PPM1E: variants seen among roughly 807,000 people sequenced by gnomAD.
PPM1E encodes the protein protein phosphatase, Mg2+/Mn2+ dependent 1E.
A neutral mutation model predicts 65.9 loss-of-function variants in PPM1E; 20 were observed. The ratio of observed to expected loss-of-function variants is 0.30; its 90% CI spans 0.21 to 0.44. The LOEUF (loss-of-function observed/expected upper bound fraction) is 0.44. PPM1E is among the 20% of genes least tolerant of loss of function. PPM1E has a pLI of 1.00. For missense variants in PPM1E, 713 were observed against 953.1 expected (o/e 0.75, Z 3.32); for synonymous variants, 352 against 374.9 (o/e 0.94, Z 0.70).
intron 1 of PPM1E, among the ~76,000 whole-genome samples, chr17:58,871,412 C>T (rs1336908341): frequency 6.6e-6 from 1 of 152,174 alleles, no homozygotes; most frequent in Admixed American, 6.5e-5. Context: ...AACACTCCCA[C>T]AAAGACCTCG....
chr17:58,889,493 G>A (rs1048152709), intron 1 of PPM1E, among the ~76,000 whole-genome samples: 1 of 152,146 alleles, frequency 6.6e-6, no homozygotes, highest in African/African-American at 2.4e-5. Flanking sequence ...CAGCTACTTG[G>A]GAGGGTGAGG....
At chr17:58,978,085 T>C (rs2031130052) in intron 6 of PPM1E, among the ~76,000 whole-genome samples, 1 of 152,206 alleles carries the variant, frequency 6.6e-6, no homozygotes, top group Admixed American at 6.5e-5. Flanking sequence ...ATAATGAATA[T>C]ATAGTCAGAT....
Position 58,801,631 on chromosome 17 carries a change from C to T in PPM1E, c.464+45170C>T, listed in dbSNP as rs1377947580. On this transcript the variant is annotated intron_variant, in intron 1 of 6. Transcript: ENST00000308249. ...TAATTTTTTCTATTTTTAGTAGAGA[C>T]GGGGTTTCACCATGTTAGCCAGGAT... Among the ~76,000 whole-genome samples, 10 of 151,568 alleles carry T rather than the reference C, an allele frequency of 6.6e-5. No homozygotes were observed. The South Asian group carries it at 1.0e-3, about 16-fold the overall frequency.
chr17:58,776,232 TAGG>T (rs969283503), intron 1 of PPM1E, among the ~76,000 whole-genome samples: 11 of 151,854 alleles, frequency 7.2e-5, no homozygotes, highest in African/African-American at 2.7e-4. Flanking sequence ...GAGGCTGAGA[TAGG>T]AGGATCCCTT....
At chr17:58,845,822 A>G (rs2050765532) in intron 1 of PPM1E, among the ~76,000 whole-genome samples, 1 of 152,194 alleles carries the variant, frequency 6.6e-6, no homozygotes, top group Non-Finnish European at 1.5e-5. Flanking sequence ...CTGGGACTAC[A>G]GGCGTGCGCC....
intron 1 of PPM1E, among the ~76,000 whole-genome samples, chr17:58,885,811 G>T (rs757286318): frequency 2.6e-5 from 4 of 152,158 alleles, no homozygotes; most frequent in Admixed American, 6.5e-5. Flanking sequence ...TTTCTCAAGA[G>T]GATACACTGC....
chr17:58,934,103 A>G (rs2051943390), intron 1 of PPM1E, among the ~76,000 whole-genome samples: 1 of 151,682 alleles, frequency 6.6e-6, no homozygotes, highest in Non-Finnish European at 1.5e-5. Flanking sequence ...AAAAAAAAAA[A>G]AAAAAAGAGA....
chr17:58,777,061 G>A (rs117878292), intron 1 of PPM1E, among the ~76,000 whole-genome samples: 98 of 151,970 alleles, frequency 6.4e-4, no homozygotes, highest in Middle Eastern at 3.4e-3. Context: ...GCAAGTCCCC[G>A]GCTTTACAAA....
intron 6 of PPM1E, among the ~76,000 whole-genome samples, chr17:58,977,801 GGC>G: frequency 6.6e-6 from 1 of 152,146 alleles, no homozygotes; most frequent in Admixed American, 6.5e-5. Flanking sequence ...GGAGTGCAGT[GGC>G]GCAATCTGGG....
chr17:58,770,100 A>T (rs2049921855), intron 1 of PPM1E, among the ~76,000 whole-genome samples: 1 of 152,180 alleles, frequency 6.6e-6, no homozygotes, highest in African/African-American at 2.4e-5. Flanking sequence ...GTATTCTAAA[A>T]GAGTCATGGA....
chr17:58,883,500 T>C (rs2051228026), intron 1 of PPM1E, among the ~76,000 whole-genome samples: 1 of 148,248 alleles, frequency 6.7e-6, no homozygotes, highest in Non-Finnish European at 1.5e-5. Context: ...TTTTTTTTTT[T>C]TGAGACGGAG....
At chr17:58,898,051 G>C (rs2051445735) in intron 1 of PPM1E, among the ~76,000 whole-genome samples, 1 of 152,014 alleles carries the variant, frequency 6.6e-6, no homozygotes, top group South Asian at 2.1e-4. Context: ...ATGAGGTCAG[G>C]AGTTTGAGAC....
In PPM1E at chr17:58,980,554, A is replaced by G. The variant is rs754393205; in HGVS notation, c.1791A>G (p.Pro597=). 1 of 1,614,202 alleles carries G rather than the reference A, an allele frequency of 6.2e-7. No homozygotes were observed. The highest frequency in any genetic ancestry group is 8.5e-7 in the Non-Finnish European group (1 of 1,180,036). ...LPVEMFGPGA[P]KKANLINELM... The stretch of plus-strand genomic sequence containing the variant: ...TTGAGATGTTTGGTCCTGGTGCACC[A>G]AAGAAAGCAAATCTTATTAATGAGT... Residue 597 remains proline (P), a synonymous_variant, in exon 7 of 7, where the codon CCA becomes CCG. Coordinates refer to ENST00000308249, the MANE Select transcript of PPM1E (RefSeq NM_014906.5). This position sits in a 1 kb window ranked among gnomAD's most constrained non-coding sequence, Gnocchi z 4.7.
At chr17:58,900,876 A>C (rs571357841) in intron 1 of PPM1E, among the ~76,000 whole-genome samples, 1 of 152,184 alleles carries the variant, frequency 6.6e-6, no homozygotes, top group African/African-American at 2.4e-5. Flanking sequence ...ACTTTATTCT[A>C]TAGGGTATAC....
chr17:58,941,842 TA>T (rs2052073166), intron 1 of PPM1E, among the ~76,000 whole-genome samples: 1 of 148,094 alleles, frequency 6.8e-6, no homozygotes, highest in African/African-American at 2.5e-5. Flanking sequence ...CCATCTCTAC[TA>T]AAAATACAAA....
intron 1 of PPM1E, among the ~76,000 whole-genome samples, chr17:58,758,191 T>A (rs1045800317): frequency 6.6e-6 from 1 of 152,160 alleles, no homozygotes; most frequent in Non-Finnish European, 1.5e-5. Flanking sequence ...GAAGGTTTTT[T>A]TTTTTTAACT....
intron 1 of PPM1E, among the ~76,000 whole-genome samples, chr17:58,791,935 T>A (rs1194941504): frequency 1.3e-5 from 2 of 152,200 alleles, no homozygotes; most frequent in Non-Finnish European, 2.9e-5. Flanking sequence ...TTTTAATGTG[T>A]TTCAGGGACT....
chr17:58,764,486 A>C (rs2049854061), intron 1 of PPM1E, among the ~76,000 whole-genome samples: 1 of 152,088 alleles, frequency 6.6e-6, no homozygotes, highest in Non-Finnish European at 1.5e-5. Context: ...CCCAAGCTGG[A>C]GTGCAGTGGC....
chr17:58,894,291 T>A (rs917746141), intron 1 of PPM1E, among the ~76,000 whole-genome samples: 2 of 152,082 alleles, frequency 1.3e-5, no homozygotes, highest in Admixed American at 6.6e-5. Context: ...CCTGGCTAAT[T>A]TTAATGAAGT....
Sources: allele counts gnomAD v4.1 joint callset (sites outside exome capture counted in the v4.1 genomes callset), GRCh38; gene constraint gnomAD v4.1.1; non-coding constraint Gnocchi (gnomAD v3.1); transcripts MANE v1.5; gene names NCBI Gene and HGNC (gene_info 2026-07-23, HGNC 2026-07-21).